COLEC12: variants seen among roughly 807,000 people sequenced by gnomAD.
COLEC12 encodes the protein collectin-12.
A neutral mutation model predicts 71.1 loss-of-function variants in COLEC12; 33 were observed. The ratio of observed to expected loss-of-function variants is 0.46; its 90% CI spans 0.35 to 0.62. The LOEUF (loss-of-function observed/expected upper bound fraction) is 0.62. Among genes scored for constraint, COLEC12 ranks in the 20% least tolerant of loss-of-function variants. COLEC12 has a pLI of 0.00. For missense variants in COLEC12, 765 were observed against 916.1 expected (o/e 0.84, Z 2.13); for synonymous variants, 350 against 353.0 (o/e 0.99, Z 0.10).
chr18:364,569 A>G (rs1020884644), intron 2 of COLEC12, among the ~76,000 whole-genome samples: 3 of 152,220 alleles, frequency 2.0e-5, no homozygotes, highest in Admixed American at 6.5e-5. Flanking sequence ...TGGCACTACC[A>G]TACAATGTCC....
At chr18:332,649 G>A (rs1195381991) in intron 7 of COLEC12, among the ~76,000 whole-genome samples, 4 of 152,174 alleles carry the variant, frequency 2.6e-5, no homozygotes, top group East Asian at 1.9e-4. Flanking sequence ...GGAGCCATGC[G>A]TGGTCCCTTG....
intron 3 of COLEC12, among the ~76,000 whole-genome samples, chr18:355,729 G>A (rs1914616442): frequency 1.3e-5 from 2 of 152,104 alleles, no homozygotes; most frequent in Admixed American, 1.3e-4. Context: ...TGGCTCACTA[G>A]GAAAAGTCAT....
At chr18:400,572 G>A (rs1334217001) in intron 2 of COLEC12, among the ~76,000 whole-genome samples, 2 of 152,140 alleles carry the variant, frequency 1.3e-5, no homozygotes, top group Non-Finnish European at 2.9e-5. Context: ...CAGCCGTATT[G>A]TGCAAACCCA....
At chr18:321,320 C>T (rs896497804) in intron 9 of COLEC12, among the ~76,000 whole-genome samples, 2 of 152,234 alleles carry the variant, frequency 1.3e-5, no homozygotes, top group African/African-American at 4.8e-5. Flanking sequence ...TCCCAAAGTG[C>T]TGGGATTACA....
At chr18:495,767 C>A (rs1567926193) in intron 1 of COLEC12, among the ~76,000 whole-genome samples, 1 of 152,174 alleles carries the variant, frequency 6.6e-6, no homozygotes, top group Non-Finnish European at 1.5e-5. Flanking sequence ...ATTATTAGGG[C>A]ATAGCTAGGA....
intron 2 of COLEC12, among the ~76,000 whole-genome samples, chr18:463,648 ACAGT>A (rs965749141): frequency 5.9e-5 from 9 of 152,118 alleles, no homozygotes; most frequent in Admixed American, 3.9e-4. Context: ...TATCAGTTAC[ACAGT>A]CAGAGCCAGC....
intron 2 of COLEC12, among the ~76,000 whole-genome samples, chr18:455,784 G>T (rs1446143316): frequency 6.6e-6 from 1 of 152,122 alleles, no homozygotes; most frequent in Non-Finnish European, 1.5e-5. Flanking sequence ...TGCTGAGAAT[G>T]ATGGCTTCCA....
At chr18:439,866 G>C (rs995575165) in intron 2 of COLEC12, among the ~76,000 whole-genome samples, 1 of 152,122 alleles carries the variant, frequency 6.6e-6, no homozygotes, top group African/African-American at 2.4e-5. Context: ...AACAAAATCA[G>C]TATCTTAAAG....
intron 2 of COLEC12, among the ~76,000 whole-genome samples, chr18:380,729 A>G (rs1387521908): frequency 6.6e-6 from 1 of 152,174 alleles, no homozygotes; most frequent in African/African-American, 2.4e-5. Flanking sequence ...GACGGAAAGA[A>G]GTGAGCTGTA....
At chr18:392,491 T>C (rs1388139209) in intron 2 of COLEC12, among the ~76,000 whole-genome samples, 1 of 152,212 alleles carries the variant, frequency 6.6e-6, no homozygotes, top group Non-Finnish European at 1.5e-5. Context: ...AATTATACCA[T>C]GTTATATAAA....
chr18:412,326 GA>G (rs1915907580), intron 2 of COLEC12, among the ~76,000 whole-genome samples: 1 of 151,958 alleles, frequency 6.6e-6, no homozygotes, highest in Non-Finnish European at 1.5e-5. Flanking sequence ...TTCAAGTGCT[GA>G]AAGAAAAAAA....
At chr18:339,867 A>G (rs1914205112) in intron 5 of COLEC12, among the ~76,000 whole-genome samples, 1 of 152,080 alleles carries the variant, frequency 6.6e-6, no homozygotes, top group African/African-American at 2.4e-5. Context: ...AGCCATTTAA[A>G]AAGTCAATAC....
chr18:488,118 C>T (rs1440865621), intron 1 of COLEC12, among the ~76,000 whole-genome samples: 1 of 151,968 alleles, frequency 6.6e-6, no homozygotes, highest in Admixed American at 6.6e-5. Context: ...AAGCAACCAC[C>T]AGAGAAAAAG....
chr18:429,622 A>T (rs7235028), intron 2 of COLEC12, among the ~76,000 whole-genome samples: 28,147 of 151,950 alleles, frequency 0.19, 2,884 homozygotes, highest in Middle Eastern at 0.24. Context: ...CCTCAAGCGA[A>T]CCGCCCCCGT....
chr18:420,475 C>A (rs1191609364), intron 2 of COLEC12, among the ~76,000 whole-genome samples: 1 of 152,068 alleles, frequency 6.6e-6, no homozygotes, highest in Admixed American at 6.5e-5. Flanking sequence ...AGATTAAATG[C>A]CTTCTGTATA....
At chr18:351,693 G>C (rs1158366973) in intron 3 of COLEC12, among the ~76,000 whole-genome samples, 1 of 152,002 alleles carries the variant, frequency 6.6e-6, no homozygotes, top group Non-Finnish European at 1.5e-5. Context: ...TCAGCCTCCC[G>C]AGTAGCTGGG....
At chr18:478,905 C>T (rs896721418) in intron 2 of COLEC12, among the ~76,000 whole-genome samples, 16 of 123,622 alleles carry the variant, frequency 1.3e-4, no homozygotes, top group Admixed American at 7.9e-4. Flanking sequence ...GCAACTCCCA[C>T]GCATAAATGT....
chr18:423,113 C>CAA lies in COLEC12; in HGVS notation c.58+57592_58+57593dup, dbSNP rs67154514. Among the ~76,000 whole-genome samples, 7 of 151,684 alleles carry CAA rather than the reference C, an allele frequency of 4.6e-5. No individual in the cohort carries two copies. The South Asian group carries it at 6.2e-4, about 14-fold the overall frequency. ...TAGTGAGACCCCATCTCTAAAAAAA[C>CAA]AAAAAAATTAGCTGGGTGTGATGTT... On this transcript the variant is annotated intron_variant, in intron 2 of 9. Transcript: ENST00000400256.
Position 335,201 on chromosome 18 carries a change from C to T in COLEC12, c.1357G>A (p.Asp453Asn). 1 of 1,609,706 alleles carries T rather than the reference C, an allele frequency of 6.2e-7. No individual in the cohort carries two copies. Among genetic ancestry groups the T allele is most frequent in the Non-Finnish European group, 8.5e-7 (1 of 1,178,548 alleles). ...GPPGPRGPRG[D>N]RGSQGPPGPT... is the part of the protein sequence containing the mutation. ...CCAGGGGGTCCCTGGGATCCTCTGT[C>T]ACCTCTTGGACCCCTGGGGCCCGGT... The change falls in exon 6 of 10, where the codon GAC becomes AAC. Residue 453 changes from aspartate (D) to asparagine (N), a missense_variant. Transcript: ENST00000400256.
Sources: gnomAD v4.1 joint callset for allele counts (sites outside exome capture counted in the v4.1 genomes callset) on GRCh38, gnomAD v4.1.1 for gene constraint, MANE v1.5 for transcripts, NCBI Gene and HGNC (gene_info 2026-07-23, HGNC 2026-07-21) for gene names.